Variants in SNTG1 observed in about 807,000 individuals in gnomAD.
SNTG1 encodes the protein gamma-1-syntrophin.
A neutral mutation model predicts 74.7 loss-of-function variants in SNTG1; 39 were observed. The observed-to-expected ratio is 0.52, with a 90% CI of 0.40 to 0.68. The LOEUF is 0.68. Among genes scored for constraint, SNTG1 ranks in the 30% least tolerant of loss-of-function variants. SNTG1 has a pLI of 0.00. For missense variants in SNTG1, 685 were observed against 609.5 expected, an observed-to-expected ratio of 1.12 and a Z score of -1.30; for synonymous variants, 254 against 217.1, an observed-to-expected ratio of 1.17 and a Z score of -1.49.
At chr8:50,129,120 C>T (rs1222319575) in intron 1 of SNTG1, among the ~76,000 whole-genome samples, 1 of 151,992 alleles carries the variant, frequency 6.6e-6, no homozygotes, top group East Asian at 1.9e-4. Context: ...ATTTAGGCAA[C>T]AAATATTTAC....
rs1020322454 is a variant in SNTG1 at position 50,138,322 on chromosome 8, T to A, written c.-102-34239T>A. ...GCCACTGGAAATATACCAACCTTAA[T>A]AATAAGAGTTCTGGCTGGACGTGGT... is the stretch of plus-strand genomic sequence containing the variant. On this transcript the variant is annotated intron_variant, in intron 1 of 18. Coordinates refer to ENST00000642720, the MANE Select transcript of SNTG1 (RefSeq NM_018967.5). Among the ~76,000 whole-genome samples, 17 of 151,922 alleles carry A rather than the reference T, an allele frequency of 1.1e-4. 1 individual carries two copies. The East Asian group carries it at 3.1e-3, about 28-fold the overall frequency.
chr8:50,452,669 T>G (rs2093468147), intron 8 of SNTG1, among the ~76,000 whole-genome samples: 1 of 152,220 alleles, frequency 6.6e-6, no homozygotes, highest in Non-Finnish European at 1.5e-5. Flanking sequence ...GGGATTGTAT[T>G]GCAAATTATA....
intron 9 of SNTG1, among the ~76,000 whole-genome samples, chr8:50,505,214 A>G (rs2093996278): frequency 6.6e-6 from 1 of 152,112 alleles, no homozygotes; most frequent in Non-Finnish European, 1.5e-5. Flanking sequence ...CATATACCAC[A>G]TATTCTTTAT....
At chr8:50,543,540 C>T (rs2094363972) in intron 11 of SNTG1, among the ~76,000 whole-genome samples, 1 of 151,992 alleles carries the variant, frequency 6.6e-6, no homozygotes, top group South Asian at 2.1e-4. Flanking sequence ...CATTCCTTTT[C>T]ATTTCTGAGT....
chr8:50,743,353 T>C (rs1194638158), intron 17 of SNTG1, among the ~76,000 whole-genome samples: 2 of 151,936 alleles, frequency 1.3e-5, no homozygotes, highest in African/African-American at 4.8e-5. Flanking sequence ...TCAATATATG[T>C]AAATCAATCA....
At chr8:50,394,144 A>G (rs7015950) in intron 2 of SNTG1, 68 bp from the exon 3 acceptor site, 868,165 of 1,237,310 alleles carry the variant, frequency 0.7, 306,200 homozygotes, top group East Asian at 0.83. Flanking sequence ...GATTTCCTCC[A>G]CTATATTAGT....
intron 8 of SNTG1, among the ~76,000 whole-genome samples, chr8:50,474,412 C>T (rs982996737): frequency 8.6e-5 from 13 of 150,780 alleles, no homozygotes; most frequent in South Asian, 2.1e-4. Flanking sequence ...AAAAAGTGGG[C>T]GAAGGATATG....
At chr8:50,356,984 C>T (rs1160406476) in intron 2 of SNTG1, among the ~76,000 whole-genome samples, 4 of 152,222 alleles carry the variant, frequency 2.6e-5, no homozygotes, top group African/African-American at 4.8e-5. Flanking sequence ...TTAGGGAATG[C>T]GTAACTGGAA....
chr8:50,376,610 T>G (rs937335848), intron 2 of SNTG1, among the ~76,000 whole-genome samples: 2 of 151,440 alleles, frequency 1.3e-5, no homozygotes, highest in Non-Finnish European at 2.9e-5. Flanking sequence ...TCGTCCACTT[T>G]CAGAGTCTTC....
intron 12 of SNTG1, among the ~76,000 whole-genome samples, chr8:50,558,331 G>A (rs1052106394): frequency 3.9e-5 from 6 of 152,102 alleles, no homozygotes; most frequent in African/African-American, 7.2e-5. Context: ...CTGTTGGCTC[G>A]CAGAGGCCTC....
chr8:50,503,496 A>C (rs2093981323), intron 9 of SNTG1, among the ~76,000 whole-genome samples: 1 of 152,224 alleles, frequency 6.6e-6, no homozygotes, highest in Admixed American at 6.5e-5. Flanking sequence ...ACATTTGCTT[A>C]ATCCACTTCT....
chr8:50,671,214 G>A (rs2095280490), intron 15 of SNTG1, among the ~76,000 whole-genome samples: 2 of 152,012 alleles, frequency 1.3e-5, no homozygotes, highest in East Asian at 3.9e-4. Context: ...AAACTAAAGA[G>A]CTTCTGCACA....
At chr8:49,941,490 TTATATA>T (rs1173898731) in intron 1 of SNTG1, among the ~76,000 whole-genome samples, 3 of 148,118 alleles carry the variant, frequency 2.0e-5, no homozygotes, top group Non-Finnish European at 4.5e-5. Context: ...TTTATATACA[TTATATA>T]TTTATATTTA....
At chr8:50,301,997 CA>C (rs2089672096) in intron 2 of SNTG1, among the ~76,000 whole-genome samples, 1 of 152,098 alleles carries the variant, frequency 6.6e-6, no homozygotes, top group Non-Finnish European at 1.5e-5. Context: ...GCTGGGATTA[CA>C]AATGCCTGCC....
intron 1 of SNTG1, among the ~76,000 whole-genome samples, chr8:50,146,962 G>T (rs1387761740): frequency 6.6e-6 from 1 of 151,622 alleles, no homozygotes; most frequent in Non-Finnish European, 1.5e-5. Flanking sequence ...TCACTATATG[G>T]CTGTCTTCTT....
chr8:50,440,222 A>C (rs1268942710), intron 5 of SNTG1, among the ~76,000 whole-genome samples: 1 of 151,926 alleles, frequency 6.6e-6, no homozygotes, highest in Non-Finnish European at 1.5e-5. Flanking sequence ...AACTTTTTGC[A>C]AAATTCTTAT....
intron 15 of SNTG1, among the ~76,000 whole-genome samples, chr8:50,696,350 C>T (rs1202567051): frequency 1.3e-5 from 2 of 151,882 alleles, no homozygotes; most frequent in Admixed American, 6.6e-5. Flanking sequence ...CTGAGTTCCT[C>T]ATAGATTCTG....
intron 2 of SNTG1, among the ~76,000 whole-genome samples, chr8:50,276,009 T>G (rs1313021240): frequency 6.6e-6 from 1 of 152,234 alleles, no homozygotes; most frequent in Non-Finnish European, 1.5e-5. Flanking sequence ...TGGTAACCAA[T>G]GTCTATTTTA....
At position 50,638,409 on chromosome 8, in the gene SNTG1, A is replaced by T. The variant is rs191361865; in HGVS notation, c.850-18500A>T. ...TAATGTACTAAGCCTGTAATTATTT[A>T]TAAATTATATATTCAAAGCTATCAT... On this transcript the variant is annotated intron_variant, in intron 13 of 18. Transcript: ENST00000642720. Among the ~76,000 whole-genome samples, 20 of 152,254 alleles carry T rather than the reference A, an allele frequency of 1.3e-4. No homozygotes were observed. In the East Asian group the frequency reaches 3.3e-3, roughly 25 times the overall value.
Sources: gnomAD v4.1 joint callset for allele counts (sites outside exome capture counted in the v4.1 genomes callset) on GRCh38, gnomAD v4.1.1 for gene constraint, MANE v1.5 for transcripts, NCBI Gene and HGNC (gene_info 2026-07-23, HGNC 2026-07-21) for gene names.